CADM2: variants seen among roughly 807,000 people sequenced by gnomAD.
The protein encoded by CADM2 is immunoglobulin superfamily member 4D.
CADM2 carries 12 observed loss-of-function variants against 49.8 expected under a neutral mutation model. That is an observed-to-expected ratio of 0.24 (90% confidence interval 0.15 to 0.39). CADM2 has a LOEUF of 0.39. Ranked by LOEUF, CADM2 falls within the 10% of genes least tolerant of loss-of-function variation. The pLI is 1.00. For missense variants in CADM2, 378 were observed against 492.3 expected (o/e 0.77, Z 2.20); for synonymous variants, 214 against 175.4 (o/e 1.22, Z -1.74).
rs201851497 is a variant in CADM2, at chr3:85,708,760, G to A, written c.62-17762G>A. ...ACAACACTCTGGTGTTTTTCTTAATGTTATTGAGGACACAGAACTAAGTGA... is the reference window on the plus strand; with the variant it reads ...ACAACACTCTGGTGTTTTTCTTAATATTATTGAGGACACAGAACTAAGTGA... On this transcript the variant is annotated intron_variant, in intron 1 of 9. Coordinates refer to ENST00000383699, the MANE Select transcript of CADM2 (RefSeq NM_001167675.2). Among the ~76,000 whole-genome samples the A allele has an allele frequency of 1.6e-4, 24 of 152,120 alleles. No individual in the cohort carries two copies. The East Asian group carries it at 4.4e-3, about 28-fold the overall frequency.
chr3:84,965,581 T>C (rs1004961089), intron 1 of CADM2, among the ~76,000 whole-genome samples: 14 of 152,218 alleles, frequency 9.2e-5, no homozygotes, highest in African/African-American at 3.1e-4. Context: ...GAACATTTAA[T>C]TTTCTTCCAA....
intron 1 of CADM2, among the ~76,000 whole-genome samples, chr3:85,100,730 A>G (rs1474321668): frequency 6.6e-6 from 1 of 152,246 alleles, no homozygotes; most frequent in African/African-American, 2.4e-5. Context: ...TTTGTAAATA[A>G]GAATTATCAC....
intron 1 of CADM2, among the ~76,000 whole-genome samples, chr3:85,588,173 A>T (rs2062995470): frequency 1.3e-5 from 2 of 152,076 alleles, no homozygotes; most frequent in Admixed American, 1.3e-4. Context: ...ATTGCCAGCA[A>T]ATATTATTTA....
At chr3:85,036,981 G>T (rs577050446) in intron 1 of CADM2, among the ~76,000 whole-genome samples, 1 of 135,086 alleles carries the variant, frequency 7.4e-6, no homozygotes, top group Non-Finnish European at 1.5e-5. Flanking sequence ...GTGAAACCCC[G>T]TCTCTACTAA....
chr3:85,620,040 C>A (rs554804798), intron 1 of CADM2, among the ~76,000 whole-genome samples: 14 of 152,212 alleles, frequency 9.2e-5, no homozygotes, highest in African/African-American at 3.4e-4. Flanking sequence ...TGAAGAGACA[C>A]CATGAATATG....
intron 1 of CADM2, among the ~76,000 whole-genome samples, chr3:85,443,868 C>T (rs1229651950): frequency 6.6e-6 from 1 of 152,084 alleles, no homozygotes; most frequent in African/African-American, 2.4e-5. Flanking sequence ...GTGTTTCTTG[C>T]TCAGGTATTT....
intron 6 of CADM2, among the ~76,000 whole-genome samples, chr3:85,924,158 T>A (rs1719516843): frequency 6.6e-6 from 1 of 152,300 alleles, no homozygotes; most frequent in Non-Finnish European, 1.5e-5. Flanking sequence ...TTTAAACCTA[T>A]TTTTAAAATT....
chr3:85,730,377 GC>G (rs1026774947), intron 2 of CADM2, among the ~76,000 whole-genome samples: 67 of 152,196 alleles, frequency 4.4e-4, no homozygotes, highest in African/African-American at 1.5e-3. Flanking sequence ...GGGAGGCGGA[GC>G]CTGCAGTGAG....
chr3:85,409,139 C>G (rs1310657981), intron 1 of CADM2, among the ~76,000 whole-genome samples: 1 of 152,096 alleles, frequency 6.6e-6, no homozygotes, highest in Non-Finnish European at 1.5e-5. Flanking sequence ...TAAATGCATC[C>G]TTAAACATTA....
chr3:85,857,679 G>GCTTA (rs1482201953), intron 3 of CADM2, among the ~76,000 whole-genome samples: 5 of 151,966 alleles, frequency 3.3e-5, no homozygotes. Flanking sequence ...ACAAATTGGT[G>GCTTA]GTAAGAGAGT....
intron 8 of CADM2, among the ~76,000 whole-genome samples, chr3:86,032,091 T>A (rs1734627969): frequency 6.6e-6 from 1 of 151,818 alleles, no homozygotes; most frequent in South Asian, 2.1e-4. Flanking sequence ...CTTTACTTTT[T>A]AAATTTAATT....
At position 85,064,729 on chromosome 3, in the gene CADM2, C is replaced by T. The variant is rs1234025910; in HGVS notation, c.61+105061C>T. On this transcript the variant is annotated intron_variant, in intron 1 of 9. Coordinates refer to ENST00000383699, the MANE Select transcript of CADM2 (RefSeq NM_001167675.2). ...TGGCAATATTTGTTAGTTCATTGCT[C>T]AGGCTAGATCATATTGAAGTAGTTT... Among the ~76,000 whole-genome samples the T allele has an allele frequency of 2.0e-5, 3 of 152,216 alleles. No homozygotes were observed. The East Asian group carries it at 5.8e-4, about 29-fold the overall frequency.
chr3:85,159,259 C>T (rs377605387), intron 1 of CADM2, among the ~76,000 whole-genome samples: 4 of 151,064 alleles, frequency 2.6e-5, no homozygotes, highest in African/African-American at 7.4e-5. Flanking sequence ...CATACTAATA[C>T]ATCAAAACCA....
At chr3:85,295,091 G>C (rs910633215) in intron 1 of CADM2, among the ~76,000 whole-genome samples, 26 of 151,818 alleles carry the variant, frequency 1.7e-4, no homozygotes, top group African/African-American at 4.1e-4. Context: ...AACAAATTTA[G>C]AAGAAAAAAA....
intron 1 of CADM2, among the ~76,000 whole-genome samples, chr3:85,525,834 A>T (rs1364548229): frequency 2.6e-5 from 4 of 152,030 alleles, no homozygotes; most frequent in Non-Finnish European, 5.9e-5. Flanking sequence ...TTGCTTTAAG[A>T]TGTATAGTTT....
At chr3:85,118,904 C>T (rs2038744227) in intron 1 of CADM2, among the ~76,000 whole-genome samples, 1 of 152,068 alleles carries the variant, frequency 6.6e-6, no homozygotes, top group Non-Finnish European at 1.5e-5. Context: ...CATGCACCAC[C>T]ACACCCAGCT....
intron 5 of CADM2, among the ~76,000 whole-genome samples, chr3:85,897,290 T>G (rs1221073512): frequency 2.5e-5 from 3 of 118,270 alleles, no homozygotes; most frequent in Admixed American, 1.0e-4. Flanking sequence ...TGAGACGGAG[T>G]CTCGCTCTGT....
chr3:85,180,561 C>T (rs1184315924), intron 1 of CADM2, among the ~76,000 whole-genome samples: 3 of 150,686 alleles, frequency 2.0e-5, no homozygotes, highest in Middle Eastern at 6.9e-3. Flanking sequence ...AATGACCACC[C>T]TACCTTCTCT....
rs148169044 is a variant in CADM2, at chr3:85,982,012, C to T, written c.970+20365C>T. On this transcript the variant is annotated intron_variant, in intron 8 of 9. Transcript: ENST00000383699. ...TTCCATTTCTCTGCAAACTTGCCTG[C>T]ATCTGTTATTTTTGACTTTTTAATA... Among the ~76,000 whole-genome samples, 85 of 151,808 alleles carry T rather than the reference C, an allele frequency of 5.6e-4. 1 individual carries two copies. The East Asian group carries it at 0.016, about 29-fold the overall frequency.
Sources: gnomAD v4.1 joint callset for allele counts (sites outside exome capture counted in the v4.1 genomes callset) on GRCh38, gnomAD v4.1.1 for gene constraint, MANE v1.5 for transcripts, NCBI Gene and HGNC (gene_info 2026-07-23, HGNC 2026-07-21) for gene names.